LIPI: variants seen among roughly 807,000 people sequenced by gnomAD.
The protein encoded by LIPI is lipase I, also known as lipase member I.
Under a neutral mutation model 50.6 loss-of-function variants are expected in LIPI, and 59 were observed. The observed-to-expected ratio is 1.16, with a 90% CI of 0.94 to 1.45. The LOEUF (loss-of-function observed/expected upper bound fraction) is 1.45, where lower values mean the gene tolerates loss of function less well. LIPI is among the 40% of genes most tolerant of loss of function. LIPI has a pLI of 0.00. For synonymous variants in LIPI, 203 were observed against 178.2 expected (o/e 1.14, Z -1.11); for missense variants, 586 against 536.3 (o/e 1.09, Z -0.92).
chr21:14,146,294 A>C (rs970802267), intron 8 of LIPI, among the ~76,000 whole-genome samples: 1 of 152,120 alleles, frequency 6.6e-6, no homozygotes, highest in African/African-American at 2.4e-5. Flanking sequence ...ACCAAAAAAA[A>C]AAAAAATACT....
At chr21:14,199,617 A>G (rs898876260) in intron 1 of LIPI, among the ~76,000 whole-genome samples, 14 of 151,280 alleles carry the variant, frequency 9.3e-5, no homozygotes, top group Non-Finnish European at 2.1e-4. Context: ...AAAAAAAAAA[A>G]GCCTAAGAAA....
chr21:14,137,794 A>G (rs1370243413), intron 9 of LIPI, among the ~76,000 whole-genome samples: 1 of 152,172 alleles, frequency 6.6e-6, no homozygotes, highest in African/African-American at 2.4e-5. Flanking sequence ...TAACCGAAAG[A>G]CTACCTTGAG....
At chr21:14,182,339 G>C (rs1180974036) in intron 3 of LIPI, among the ~76,000 whole-genome samples, 2 of 152,006 alleles carry the variant, frequency 1.3e-5, no homozygotes, top group African/African-American at 4.8e-5. Flanking sequence ...TTTCTCGTAA[G>C]ACTTTCTCAC....
chr21:14,196,172 A>AAAAAAAAAAAAAAAAAAAACAAT, intron 1 of LIPI, among the ~76,000 whole-genome samples: 1 of 138,316 alleles, frequency 7.2e-6, no homozygotes, highest in South Asian at 2.2e-4. Context: ...AAAAAACAAA[A>AAAAAAAAAAAAAAAAAAAACAAT]CAAGAAGTAT....
At chr21:14,115,045 A>G (rs2016570598) in intron 9 of LIPI, among the ~76,000 whole-genome samples, 1 of 152,164 alleles carries the variant, frequency 6.6e-6, no homozygotes, top group Non-Finnish European at 1.5e-5. Context: ...AAGTATAATC[A>G]AAGACAACCA....
intron 8 of LIPI, among the ~76,000 whole-genome samples, chr21:14,150,307 C>T (rs2123086260): frequency 6.6e-6 from 1 of 152,322 alleles, no homozygotes; most frequent in East Asian, 1.9e-4. Context: ...AACAGCCAAA[C>T]TATATCAGGT....
chr21:14,147,988 A>G (rs1309212855), intron 8 of LIPI, among the ~76,000 whole-genome samples: 1 of 152,124 alleles, frequency 6.6e-6, no homozygotes, highest in African/African-American at 2.4e-5. Context: ...TGTCTGGGCC[A>G]TCTTTCTATC....
At chr21:14,172,957 A>C (rs1393168123) in intron 4 of LIPI, among the ~76,000 whole-genome samples, 1 of 152,222 alleles carries the variant, frequency 6.6e-6, no homozygotes, top group South Asian at 2.1e-4. Context: ...ATAATAAACA[A>C]GTAAATACAG....
Position 14,189,068 on chromosome 21 carries a change from G to A in LIPI, c.398C>T (p.Ala133Val), listed in dbSNP as rs908110321. Residue 133 changes from alanine (A) to valine (V), a missense_variant, in exon 2 of 10, where the codon GCT becomes GTT. Coordinates refer to ENST00000681601, the MANE Select transcript of LIPI (RefSeq NM_001302998.2). ...TTTAATGTGCACACTCAAACTCACA[G>A]CAACTTTTCTGGTGTTTTTAACTGC... is the stretch of plus-strand genomic sequence containing the variant. ...NRAVKNTRKV[A>V]VSLSVHIKNL... is the part of the protein sequence containing the mutation. 1.9e-6 allele frequency: 3 copies of A among 1,608,798 alleles called. No homozygotes were observed. Among genetic ancestry groups the A allele is most frequent in the Non-Finnish European group, 2.5e-6 (3 of 1,179,888 alleles).
At chr21:14,177,727 T>A (rs1437366621) in intron 4 of LIPI, among the ~76,000 whole-genome samples, 2 of 152,086 alleles carry the variant, frequency 1.3e-5, no homozygotes, top group African/African-American at 4.8e-5. Flanking sequence ...ATTTTTAGCT[T>A]ATTTTAATTT....
chr21:14,195,069 T>C (rs1199631220), intron 1 of LIPI, among the ~76,000 whole-genome samples: 2 of 152,006 alleles, frequency 1.3e-5, no homozygotes, highest in Non-Finnish European at 2.9e-5. Context: ...GACTGCTGTG[T>C]AAAAAGGGCT....
chr21:14,152,370 A>G (rs2018125502), intron 8 of LIPI, among the ~76,000 whole-genome samples: 1 of 152,132 alleles, frequency 6.6e-6, no homozygotes, highest in South Asian at 2.1e-4. Context: ...TGTTTAGAGT[A>G]AGGGTGCCTC....
chr21:14,152,612 A>T lies in LIPI; in HGVS notation c.1079T>A (p.Leu360Ter). 2.5e-6 allele frequency: 4 copies of T among 1,589,812 alleles called. No homozygotes were observed. The highest frequency in any genetic ancestry group is 3.5e-6 in the Non-Finnish European group (4 of 1,159,288). Residue 360 changes from leucine to a stop codon, truncating the protein, a stop_gained, in exon 8 of 10, where the codon TTA becomes TAA. Coordinates refer to ENST00000681601, the MANE Select transcript of LIPI (RefSeq NM_001302998.2). LOFTEE classifies it high-confidence loss of function. Reference sequence around the variant, plus strand: ...CTCTTCAATCATTCCAAGCTGATTTAATAATTTAAATGAAAACGAGCCATC... The same window carrying T: ...CTCTTCAATCATTCCAAGCTGATTTTATAATTTAAATGAAAACGAGCCATC... ...MMDGSFSFKL[L>*]NQLGMIEEPR... is the part of the protein sequence containing the mutation.
intron 1 of LIPI, among the ~76,000 whole-genome samples, chr21:14,196,344 TATG>T (rs2019851933): frequency 6.6e-6 from 1 of 152,204 alleles, no homozygotes; most frequent in African/African-American, 2.4e-5. Flanking sequence ...TTTTCATGTA[TATG>T]AAATTCTATA....
At chr21:14,160,483 TAAAA>T (rs142967909) in intron 7 of LIPI, among the ~76,000 whole-genome samples, 1 of 150,788 alleles carries the variant, frequency 6.6e-6, no homozygotes, top group Non-Finnish European at 1.5e-5. Flanking sequence ...GCTGGAGCTA[TAAAA>T]AAAACTAAAT....
intron 7 of LIPI, 85 bp from the exon 8 acceptor site, chr21:14,152,769 T>C (rs1414861484): frequency 1.2e-5 from 8 of 662,794 alleles, no homozygotes; most frequent in African/African-American, 5.5e-5. Context: ...TATATGTGTA[T>C]GTATAGATAG....
At chr21:14,144,190 G>A (rs1377745238) in intron 9 of LIPI, 1 of 154,374 alleles carries the variant, frequency 6.5e-6, no homozygotes, top group African/African-American at 2.4e-5. Flanking sequence ...AGAGAAAGAA[G>A]ATATTGCTGG....
At chr21:14,207,065 A>G (rs2020246829) in intron 1 of LIPI, 2 of 662,664 alleles carry the variant, frequency 3.0e-6, no homozygotes, top group Non-Finnish European at 5.5e-6. Flanking sequence ...CTATGGCCAC[A>G]GAGCCAGTTA....
At chr21:14,201,057 A>G (rs1268093013) in intron 1 of LIPI, among the ~76,000 whole-genome samples, 1 of 152,156 alleles carries the variant, frequency 6.6e-6, no homozygotes, top group Non-Finnish European at 1.5e-5. Flanking sequence ...GACTAGCCAT[A>G]TGAAGAAGAT....
Sources: gnomAD v4.1 joint callset for allele counts (sites outside exome capture counted in the v4.1 genomes callset) on GRCh38, gnomAD v4.1.1 for gene constraint, MANE v1.5 for transcripts, NCBI Gene and HGNC (gene_info 2026-07-23, HGNC 2026-07-21) for gene names.